SVIL: variants seen among roughly 807,000 people sequenced by gnomAD.
SVIL encodes supervillin.
Under a neutral mutation model 240.4 loss-of-function variants are expected in SVIL, and 101 were observed. The ratio of observed to expected loss-of-function variants is 0.42; its 90% CI spans 0.36 to 0.50. The LOEUF (loss-of-function observed/expected upper bound fraction) is 0.50. Among genes scored for constraint, SVIL ranks in the 20% least tolerant of loss-of-function variants. The pLI is 0.01. For missense variants in SVIL, 2,512 were observed against 2,818.7 expected (o/e 0.89, Z 2.46); for synonymous variants, 999 against 1,100.0 (o/e 0.91, Z 1.82).
intron 6 of SVIL, among the ~76,000 whole-genome samples, chr10:29,538,441 A>G (rs1951892133): frequency 6.6e-6 from 1 of 152,242 alleles, no homozygotes; most frequent in African/African-American, 2.4e-5. Context: ...TCCGACTTAA[A>G]ATGGTTCAAT....
At chr10:29,478,379 C>T (rs1946436944) in intron 29 of SVIL, among the ~76,000 whole-genome samples, 1 of 152,224 alleles carries the variant, frequency 6.6e-6, no homozygotes, top group South Asian at 2.1e-4. Context: ...ATTTCCTGCA[C>T]CTACAATGTG....
chr10:29,693,317 G>A (rs1318660402), intron 1 of SVIL, among the ~76,000 whole-genome samples: 1 of 151,572 alleles, frequency 6.6e-6, no homozygotes, highest in Non-Finnish European at 1.5e-5. Flanking sequence ...GGGGATGGGG[G>A]GTGGGGGAGA....
At chr10:29,680,475 C>T (rs959283300) in intron 2 of SVIL, among the ~76,000 whole-genome samples, 1 of 152,212 alleles carries the variant, frequency 6.6e-6, no homozygotes, top group African/African-American at 2.4e-5. Context: ...GGCGCATGGG[C>T]AGGGGGCCGT....
intron 6 of SVIL, among the ~76,000 whole-genome samples, chr10:29,536,678 G>A (rs1159204134): frequency 6.6e-6 from 1 of 152,078 alleles, no homozygotes; most frequent in Non-Finnish European, 1.5e-5. Flanking sequence ...GGGAGGCCGG[G>A]GTGGGTGGAT....
chr10:29,726,292 T>C (rs1964286195), intron 1 of SVIL, among the ~76,000 whole-genome samples: 1 of 152,164 alleles, frequency 6.6e-6, no homozygotes, highest in African/African-American at 2.4e-5. Context: ...GAGATAGGGA[T>C]GGTTAGAGGA....
At chr10:29,502,338 AT>A (rs1948957325) in intron 17 of SVIL, among the ~76,000 whole-genome samples, 1 of 152,190 alleles carries the variant, frequency 6.6e-6, no homozygotes, top group Non-Finnish European at 1.5e-5. Flanking sequence ...AGAACTCAAA[AT>A]GTGAGAACAA....
chr10:29,567,165 C>T (rs1420077203), intron 2 of SVIL, among the ~76,000 whole-genome samples: 1 of 152,162 alleles, frequency 6.6e-6, no homozygotes, highest in East Asian at 1.9e-4. Context: ...CCCCCTGCTT[C>T]TGTGACAATT....
intron 3 of SVIL, among the ~76,000 whole-genome samples, chr10:29,656,381 A>G (rs1165981016): frequency 6.6e-6 from 1 of 151,722 alleles, no homozygotes; most frequent in Non-Finnish European, 1.5e-5. Context: ...CCATCACTCT[A>G]TCTTCTCCAT....
intron 1 of SVIL, among the ~76,000 whole-genome samples, chr10:29,586,881 G>A (rs1303550575): frequency 6.6e-6 from 1 of 152,088 alleles, no homozygotes; most frequent in African/African-American, 2.4e-5. Flanking sequence ...ACACACACTG[G>A]GGCCTTTCGC....
At chr10:29,547,417 C>G (rs1952790480) in intron 6 of SVIL, among the ~76,000 whole-genome samples, 2 of 151,772 alleles carry the variant, frequency 1.3e-5, no homozygotes, top group South Asian at 2.1e-4. Context: ...GCATGCACCT[C>G]TCTAGAAGTC....
intron 3 of SVIL, among the ~76,000 whole-genome samples, chr10:29,656,142 T>C (rs1364646356): frequency 6.6e-6 from 1 of 151,808 alleles, no homozygotes; most frequent in Non-Finnish European, 1.5e-5. Context: ...GTGCTGGTAT[T>C]ACAGGTGTGA....
chr10:29,530,672 C>T lies in SVIL; in HGVS notation c.2045-4G>A, dbSNP rs1951293985. ...CGTTCATCCACCTTTTCTTCATCTG[C>T]AAAAAGCCACAAATTAAAAACTGGA... is the stretch of plus-strand genomic sequence containing the variant. On this transcript the variant is annotated splice_polypyrimidine_tract_variant and splice_region_variant and intron_variant, in intron 10 of 37. Coordinates refer to ENST00000355867, the MANE Select transcript of SVIL (RefSeq NM_021738.3). 1.9e-6 allele frequency: 3 copies of T among 1,614,040 alleles called. No individual in the cohort carries two copies. The highest frequency in any genetic ancestry group is 2.5e-6 in the Non-Finnish European group (3 of 1,179,974).
chr10:29,487,104 A>G (rs926997451), intron 24 of SVIL, 59 bp downstream of exon 24: 1 of 1,577,748 alleles, frequency 6.3e-7, no homozygotes, highest in Non-Finnish European at 8.6e-7. Flanking sequence ...CAGGAAGAAC[A>G]CTCCTCCGGT....
At chr10:29,695,794 C>CTCTCCCTCTCCCG (rs745646946) in intron 1 of SVIL, among the ~76,000 whole-genome samples, 4 of 148,026 alleles carry the variant, frequency 2.7e-5, no homozygotes, top group Admixed American at 1.3e-4. Context: ...TCCCGTCTCC[C>CTCTCCCTCTCCCG]TCTCCCTCTC....
Position 29,604,255 on chromosome 10 carries a change from A to G in SVIL, c.-201+30165T>C, listed in dbSNP as rs1350224259. Among the ~76,000 whole-genome samples the G allele has an allele frequency of 2.1e-5, 3 of 144,588 alleles. No individual in the cohort carries two copies. The East Asian group carries it at 6.0e-4, about 29-fold the overall frequency. 94.9% of individuals were successfully genotyped at this position (144,588 alleles called of 152,430 possible). A position where few individuals can be genotyped will look rare whatever the true frequency, so the allele number is the denominator to read the frequency against. The stretch of plus-strand genomic sequence containing the variant: ...TGCTCTGTCACCCAGGCTGGAGTGC[A>G]GTGGTGCCATCTTGGCTCACTGCAA... On this transcript the variant is annotated intron_variant, in intron 1 of 37. Transcript: ENST00000355867.
chr10:29,552,487 C>T (rs939079787), intron 5 of SVIL, among the ~76,000 whole-genome samples: 7 of 148,402 alleles, frequency 4.7e-5, no homozygotes, highest in Admixed American at 3.5e-4. Context: ...CACTTGAACC[C>T]GGGAGGCAGA....
At chr10:29,646,224 G>C (rs564271974) in intron 3 of SVIL, among the ~76,000 whole-genome samples, 1 of 152,302 alleles carries the variant, frequency 6.6e-6, no homozygotes, top group South Asian at 2.1e-4. Flanking sequence ...CCCCTGCCCT[G>C]CAATCTGTGA....
rs368693883 is a variant in SVIL at position 29,480,329 on chromosome 10, G to A, written c.5377+208C>T. Among the ~76,000 whole-genome samples the A allele has an allele frequency of 2.3e-4, 35 of 152,222 alleles. No homozygotes were observed. In the East Asian group the frequency reaches 5.2e-3, roughly 23 times the overall value. On this transcript the variant is annotated intron_variant, in intron 29 of 37. Transcript: ENST00000355867. ...TCAATTTCTACAGGTGAACACCAGC[G>A]GCCTCGGCAATGCTAGGTTGTTAGG...
At chr10:29,507,097 A>G (rs112575716) in intron 17 of SVIL, among the ~76,000 whole-genome samples, 8,139 of 152,172 alleles carry the variant, frequency 0.053, 664 homozygotes, top group African/African-American at 0.17. Context: ...TGGAGGGAAG[A>G]GGCAGGGGGC....
Sources: allele counts gnomAD v4.1 joint callset (sites outside exome capture counted in the v4.1 genomes callset), GRCh38; gene constraint gnomAD v4.1.1; transcripts MANE v1.5; gene names NCBI Gene and HGNC (gene_info 2026-07-23, HGNC 2026-07-21).